ZNF280D: variants seen among roughly 807,000 people sequenced by gnomAD.
ZNF280D encodes the protein zinc finger protein 280D.
ZNF280D carries 39 observed loss-of-function variants against 94.7 expected under a neutral mutation model. That is an observed-to-expected ratio of 0.41 (90% CI 0.32 to 0.54). The LOEUF (loss-of-function observed/expected upper bound fraction) is 0.54. Among genes scored for constraint, ZNF280D ranks in the 20% least tolerant of loss-of-function variants. The probability of loss-of-function intolerance (pLI) is 0.22; values close to 1 mark genes in which losing one functional copy is unlikely to be tolerated. For missense variants in ZNF280D, 1,090 were observed against 1,149.3 expected (o/e 0.95, Z 0.75); for synonymous variants, 398 against 377.6 (o/e 1.05, Z -0.63).
chr15:56,713,301 C>T (rs976822761), intron 1 of ZNF280D, among the ~76,000 whole-genome samples: 2 of 152,088 alleles, frequency 1.3e-5, no homozygotes, highest in Non-Finnish European at 2.9e-5. Context: ...TGAAGTTCAA[C>T]TAACTCATAA....
chr15:56,673,466 C>T (rs369323454), intron 13 of ZNF280D, among the ~76,000 whole-genome samples: 87 of 152,148 alleles, frequency 5.7e-4, no homozygotes, highest in Non-Finnish European at 1.0e-3. Context: ...CCTCGTTCAA[C>T]GATTGCTACC....
chr15:56,677,712 A>G, intron 11 of ZNF280D, 38 bp from the exon 12 acceptor site: 1 of 851,906 alleles, frequency 1.2e-6, no homozygotes, highest in South Asian at 2.9e-5. Flanking sequence ...AATATTTAAG[A>G]TATTAATATA....
intron 14 of ZNF280D, chr15:56,667,946 ATAT>A (rs1456209639): frequency 4.4e-5 from 9 of 203,360 alleles, no homozygotes; most frequent in African/African-American, 1.7e-4. Context: ...ATTATCATTA[ATAT>A]TATTATTATT....
intron 13 of ZNF280D, 30 bp from the exon 14 acceptor site, chr15:56,668,987 A>T: frequency 6.3e-7 from 1 of 1,588,896 alleles, no homozygotes; most frequent in South Asian, 1.2e-5. Flanking sequence ...AAAAGGGGGA[A>T]AAATAATTTC....
chr15:56,635,848 T>C (rs2052325668), intron 20 of ZNF280D: 1 of 152,246 alleles, frequency 6.6e-6, no homozygotes, highest in Non-Finnish European at 1.5e-5. Context: ...TTACCAGCTA[T>C]GGAGTACATA....
intron 1 of ZNF280D, among the ~76,000 whole-genome samples, chr15:56,723,238 AT>A (rs2058465789): frequency 6.6e-6 from 1 of 151,344 alleles, no homozygotes. Flanking sequence ...TAATAAAAAA[AT>A]AAATAAATAA....
chr15:56,659,614 C>T (rs1274140580), intron 16 of ZNF280D, among the ~76,000 whole-genome samples: 1 of 151,838 alleles, frequency 6.6e-6, no homozygotes, highest in African/African-American at 2.4e-5. Flanking sequence ...GTAATACTAT[C>T]CACAGTTTCA....
At chr15:56,688,795 C>A (rs1253640989) in intron 9 of ZNF280D, 1 of 226,844 alleles carries the variant, frequency 4.4e-6, no homozygotes, top group Non-Finnish European at 8.5e-6. Context: ...CGGATTAATA[C>A]ATTATTTTTA....
chr15:56,632,783 C>T (rs1461938523), intron 21 of ZNF280D, among the ~76,000 whole-genome samples: 2 of 151,866 alleles, frequency 1.3e-5, no homozygotes, highest in African/African-American at 4.8e-5. Flanking sequence ...GCCACCATGC[C>T]CAGTCTCCTT....
chr15:56,662,639 A>ACATGG (rs1304221517), intron 16 of ZNF280D, among the ~76,000 whole-genome samples: 3 of 152,134 alleles, frequency 2.0e-5, no homozygotes, highest in African/African-American at 2.4e-5. Flanking sequence ...AGCCTGGACA[A>ACATGG]CATGGTGAAA....
intron 3 of ZNF280D, 107 bp downstream of exon 3, chr15:56,706,975 A>G: frequency 3.0e-6 from 3 of 994,018 alleles, no homozygotes; most frequent in Non-Finnish European, 4.7e-6. Context: ...AACAATTTTA[A>G]GCATTTTTGT....
intron 20 of ZNF280D, among the ~76,000 whole-genome samples, chr15:56,642,082 C>T (rs2052657554): frequency 6.6e-6 from 1 of 151,574 alleles, no homozygotes; most frequent in African/African-American, 2.4e-5. Context: ...TCTCAATATA[C>T]ATAAGATTCG....
intron 4 of ZNF280D, 59 bp downstream of exon 4, chr15:56,704,062 G>A (rs1434042688): frequency 1.9e-6 from 3 of 1,589,588 alleles, no homozygotes; most frequent in Admixed American, 1.8e-5. Flanking sequence ...CAGTTCACAA[G>A]TTTTTCTACT....
intron 1 of ZNF280D, among the ~76,000 whole-genome samples, chr15:56,710,008 AAAAT>A (rs766143514): frequency 4.1e-4 from 63 of 152,168 alleles, no homozygotes; most frequent in Non-Finnish European, 6.9e-4. Flanking sequence ...AAAGTATAAT[AAAAT>A]AAATAAATAA....
chr15:56,655,530 T>C (rs1277769346), intron 17 of ZNF280D, among the ~76,000 whole-genome samples: 1 of 152,186 alleles, frequency 6.6e-6, no homozygotes, highest in Non-Finnish European at 1.5e-5. Flanking sequence ...TTAAATGAAA[T>C]GTGTAATTAT....
intron 19 of ZNF280D, chr15:56,653,483 G>A: frequency 6.6e-7 from 1 of 1,510,818 alleles, no homozygotes; most frequent in Non-Finnish European, 8.8e-7. Context: ...AGGTCCCACA[G>A]TCAAATTATT....
chr15:56,646,533 T>A (rs977739280), intron 19 of ZNF280D, among the ~76,000 whole-genome samples: 8 of 152,180 alleles, frequency 5.3e-5, no homozygotes, highest in African/African-American at 1.7e-4. Context: ...GACTAAGACA[T>A]AACAGTAAAA....
At position 56,654,345 on chromosome 15, in the gene ZNF280D, A is replaced by G. The variant is rs748492678; in HGVS notation, c.2176+40T>C. 3 of 1,595,196 alleles carry G rather than the reference A, an allele frequency of 1.9e-6. No homozygotes were observed. The South Asian group carries it at 3.4e-5, about 18-fold the overall frequency. On this transcript the variant is annotated intron_variant, in intron 18 of 21. Transcript: ENST00000267807. ...GTGGATGACCAAAAATACTGGAATA[A>G]AAGTCAAAAATCTAAAGTAGCACAG...
In ZNF280D at chr15:56,678,775, T is replaced by C. The variant is rs372444576; in HGVS notation, c.1051A>G (p.Ser351Gly). The C allele has an allele frequency of 1.9e-6, 3 of 1,612,274 alleles. No homozygotes were observed. The highest frequency in any genetic ancestry group is 1.3e-5 in the African/African-American group (1 of 74,886). The change falls in exon 11 of 22, where the codon AGT becomes GGT. Residue 351 changes from serine to glycine, a missense_variant. This residue lies in a region of ZNF280D where 127 missense variants were observed against 208.6 expected (regional missense o/e 0.61). Coordinates refer to ENST00000267807, the MANE Select transcript of ZNF280D (RefSeq NM_017661.4). The stretch of plus-strand genomic sequence containing the variant: ...GTGGTATGGTTTTCCCAGCTCTCAC[T>C]GCTCTGCTTCTCAAGTTCCAAATGG... ...KHHLELEKQS[S>G]ESWENHTTCQ...
Sources: allele counts gnomAD v4.1 joint callset (sites outside exome capture counted in the v4.1 genomes callset), GRCh38; gene constraint gnomAD v4.1.1; regional missense constraint gnomAD v4.1.1; transcripts MANE v1.5; gene names NCBI Gene and HGNC (gene_info 2026-07-23, HGNC 2026-07-21).